The following CTNNA1 variants were observed in gnomAD, a reference collection of about 807,000 sequenced individuals.
CTNNA1 encodes catenin alpha 1.
Under a neutral mutation model 98.4 loss-of-function variants are expected in CTNNA1, and 37 were observed. The observed-to-expected ratio is 0.38, with a 90% CI of 0.29 to 0.49. The LOEUF is 0.49. Ranked by LOEUF, CTNNA1 falls within the 20% of genes least tolerant of loss-of-function variation. The pLI is 0.95. For missense variants in CTNNA1, 761 were observed against 1,147.2 expected, an observed-to-expected ratio of 0.66 and a Z score of 4.86; for synonymous variants, 404 against 413.2, an observed-to-expected ratio of 0.98 and a Z score of 0.27.
At chr5:138,759,442 T>C (rs1192728821) in intron 1 of CTNNA1, among the ~76,000 whole-genome samples, 1 of 152,248 alleles carries the variant, frequency 6.6e-6, no homozygotes, top group Non-Finnish European at 1.5e-5. Flanking sequence ...TTGAATATCC[T>C]AGTCTTTAAA....
chr5:138,796,374 C>T (rs915971752), intron 3 of CTNNA1, among the ~76,000 whole-genome samples: 13 of 128,752 alleles, frequency 1.0e-4, no homozygotes, highest in African/African-American at 3.5e-4. Flanking sequence ...GAAACCCCAT[C>T]TCTACTAAAA....
intron 3 of CTNNA1, among the ~76,000 whole-genome samples, chr5:138,806,367 T>C (rs1347195451): frequency 6.6e-6 from 1 of 152,080 alleles, no homozygotes; most frequent in Non-Finnish European, 1.5e-5. Flanking sequence ...TTTTTTTTTT[T>C]TCTAAATCTT....
chr5:138,885,872 G>C (rs938896826), intron 7 of CTNNA1, among the ~76,000 whole-genome samples: 3 of 152,110 alleles, frequency 2.0e-5, no homozygotes, highest in Non-Finnish European at 2.9e-5. Flanking sequence ...AAGGAGAGCT[G>C]CTTCATTAAT....
In CTNNA1 at chr5:138,925,420, A is replaced by G; in HGVS notation, c.1899+13A>G. The G allele has an allele frequency of 6.2e-7, 1 of 1,612,302 alleles. No homozygotes were observed. The highest frequency in any genetic ancestry group is 8.5e-7 in the Non-Finnish European group (1 of 1,179,164). ...GCTGATGATAAGGGTGAGTAACTGC[A>G]TTTCAGACGTCTTAACAGCTTCTTT... On this transcript the variant is annotated intron_variant, in intron 13 of 17. Transcript: ENST00000302763.
At chr5:138,920,351 G>A (rs1343462070) in intron 11 of CTNNA1, among the ~76,000 whole-genome samples, 1 of 152,238 alleles carries the variant, frequency 6.6e-6, no homozygotes, top group Non-Finnish European at 1.5e-5. Context: ...GCCTAGGCAG[G>A]TGTCATCTGC....
chr5:138,832,501 G>A (rs1761363009), intron 7 of CTNNA1, among the ~76,000 whole-genome samples: 1 of 152,122 alleles, frequency 6.6e-6, no homozygotes, highest in Non-Finnish European at 1.5e-5. Flanking sequence ...TTGGATGGAT[G>A]TTATAATCTT....
intron 7 of CTNNA1, among the ~76,000 whole-genome samples, chr5:138,883,203 C>T (rs1281631181): frequency 6.6e-6 from 1 of 152,176 alleles, no homozygotes; most frequent in African/African-American, 2.4e-5. Flanking sequence ...TTATACTTTC[C>T]TCAAGCTCAG....
intron 7 of CTNNA1, among the ~76,000 whole-genome samples, chr5:138,853,172 C>T (rs1424629162): frequency 2.7e-5 from 4 of 150,828 alleles, no homozygotes; most frequent in Non-Finnish European, 1.5e-5. Flanking sequence ...GTCTCGAACT[C>T]CTGACCTGAA....
At chr5:138,775,812 T>C (rs2149621361) in intron 1 of CTNNA1, among the ~76,000 whole-genome samples, 1 of 135,564 alleles carries the variant, frequency 7.4e-6, no homozygotes, top group East Asian at 2.6e-4. Flanking sequence ...AACCTCCGCC[T>C]CCCAGGTTCA....
At position 138,874,531 on chromosome 5, in the gene CTNNA1, C is replaced by G; in HGVS notation, c.1063-11681C>G. ...CATATATTGCTGCCAGCATAGGGGCCCCTAATGGCCACTTGAAATGTAAGC... is the reference window on the plus strand; with the variant it reads ...CATATATTGCTGCCAGCATAGGGGCGCCTAATGGCCACTTGAAATGTAAGC... On this transcript the variant is annotated intron_variant, in intron 7 of 17. Coordinates refer to ENST00000302763, the MANE Select transcript of CTNNA1 (RefSeq NM_001903.5). The surrounding 1 kb of genome is among the most constrained non-coding windows in gnomAD (Gnocchi z 4.1). 2 of 1,576,630 alleles carry G rather than the reference C, an allele frequency of 1.3e-6. No individual in the cohort carries two copies. The highest frequency in any genetic ancestry group is 1.2e-5 in the South Asian group (1 of 86,772).
At chr5:138,796,495 G>C (rs1467800789) in intron 3 of CTNNA1, among the ~76,000 whole-genome samples, 2 of 150,400 alleles carry the variant, frequency 1.3e-5, no homozygotes, top group African/African-American at 2.5e-5. Context: ...AGTGAGCCTA[G>C]ATCGCGCCAC....
At chr5:138,835,922 T>C (rs1045059002) in intron 7 of CTNNA1, among the ~76,000 whole-genome samples, 3 of 152,228 alleles carry the variant, frequency 2.0e-5, no homozygotes, top group Non-Finnish European at 4.4e-5. Flanking sequence ...CACAGCTCAC[T>C]GCAACCTCTG....
At chr5:138,895,110 G>A (rs1358252122) in intron 9 of CTNNA1, among the ~76,000 whole-genome samples, 1 of 152,118 alleles carries the variant, frequency 6.6e-6, no homozygotes, top group African/African-American at 2.4e-5. Context: ...GCCAAGAATA[G>A]TACCTAGAAT....
chr5:138,934,742 C>T lies in CTNNA1; in HGVS notation c.*653C>T, dbSNP rs529002318. 2 of 152,712 alleles carry T rather than the reference C, an allele frequency of 1.3e-5. No homozygotes were observed. Among genetic ancestry groups the T allele is most frequent in the South Asian group, 2.1e-4 (1 of 4,830 alleles). 9.5% of individuals were successfully genotyped at this position (152,712 alleles called of 1,614,324 possible). ...GTCTCGATGCCATAATCAGAACACA[C>T]TTTTTTTCCTCTTTCTCCCAGCTTC... On this transcript the variant is annotated 3_prime_UTR_variant, in exon 18 of 18. Coordinates refer to ENST00000302763, the MANE Select transcript of CTNNA1 (RefSeq NM_001903.5).
At position 138,932,594 on chromosome 5, in the gene CTNNA1, G is replaced by A. The variant is rs1295597777; in HGVS notation, c.2315G>A (p.Cys772Tyr). 6.2e-7 allele frequency: 1 copy of A among 1,614,158 alleles called. No individual in the cohort carries two copies. The highest frequency in any genetic ancestry group is 1.1e-5 in the South Asian group (1 of 91,076). Residue 772 changes from cysteine to tyrosine, a missense_variant, in exon 17 of 18, where the codon TGC (cysteine) becomes TAC (tyrosine). Cys to Tyr is a radical substitution (Grantham distance 194). Transcript: ENST00000302763. ...TCTCTTCAGTGCCCCGACTCGGCTT[G>A]CAAGCAGGACCTGCTGGCCTACCTG... ...TIADHCPDSA[C>Y]KQDLLAYLQR...
intron 1 of CTNNA1, among the ~76,000 whole-genome samples, chr5:138,764,858 G>T (rs1211856273): frequency 8.2e-5 from 11 of 134,472 alleles, no homozygotes; most frequent in African/African-American, 3.0e-4. Flanking sequence ...GTAATTTGCT[G>T]TATCTCTCTC....
intron 3 of CTNNA1, among the ~76,000 whole-genome samples, chr5:138,787,258 G>A (rs980991296): frequency 5.9e-5 from 9 of 152,096 alleles, no homozygotes; most frequent in Admixed American, 4.6e-4. Flanking sequence ...GTGAAACCCC[G>A]TCTCTACTAA....
chr5:138,837,507 C>T (rs1343998818), intron 7 of CTNNA1, among the ~76,000 whole-genome samples: 3 of 108,076 alleles, frequency 2.8e-5, no homozygotes, highest in African/African-American at 1.0e-4. Context: ...TTCCCCCTCC[C>T]CCTCCTCCCT....
chr5:138,870,187 C>T (rs80333248), intron 7 of CTNNA1: 3,688 of 152,280 alleles, frequency 0.024, 66 homozygotes, highest in Non-Finnish European at 0.034. Context: ...AACCAAGATC[C>T]GCAGCGTTGC....
Sources: allele counts gnomAD v4.1 joint callset (sites outside exome capture counted in the v4.1 genomes callset), GRCh38; gene constraint gnomAD v4.1.1; non-coding constraint Gnocchi (gnomAD v3.1); transcripts MANE v1.5; gene names NCBI Gene and HGNC (gene_info 2026-07-23, HGNC 2026-07-21).